TMIE: variants seen among roughly 807,000 people sequenced by gnomAD.
The protein encoded by TMIE is transmembrane inner ear expressed protein.
TMIE carries 14 observed loss-of-function variants against 16.8 expected under a neutral mutation model. The observed-to-expected ratio is 0.83, with a 90% CI of 0.55 to 1.30. The LOEUF is 1.30. TMIE is among the 50% of genes most tolerant of loss of function. TMIE has a pLI of 0.00. For missense variants in TMIE, 204 were observed against 205.9 expected, an observed-to-expected ratio of 0.99 and a Z score of 0.06; for synonymous variants, 75 against 87.2, an observed-to-expected ratio of 0.86 and a Z score of 0.78.
chr3:46,710,031 G>A lies in TMIE; in HGVS notation c.*343G>A, dbSNP rs1325640298. On this transcript the variant is annotated 3_prime_UTR_variant, in exon 4 of 4. Coordinates refer to ENST00000643606, the MANE Select transcript of TMIE (RefSeq NM_147196.3). ...TGCCAGGGATGGCAGTGGCTGTGAA[G>A]GAGTAATGGGATATGGGGTTACTTC... 2.5e-6 allele frequency: 1 copy of A among 396,852 alleles called. No homozygotes were observed. The highest frequency in any genetic ancestry group is 5.6e-5 in the East Asian group (1 of 17,758). The allele number at this position is 396,852 out of a possible 1,614,324, so 24.6% of individuals were successfully genotyped here. A position where few individuals can be genotyped will look rare whatever the true frequency, so the allele number is the denominator to read the frequency against.
At chr3:46,700,501 G>A (rs1700457077), upstream of TMIE, among the ~76,000 whole-genome samples, 1 of 152,166 alleles carries the variant, frequency 6.6e-6, no homozygotes, top group Non-Finnish European at 1.5e-5. Flanking sequence ...CACCTGGGCT[G>A]CTTCTCCTAA....
chr3:46,694,815 C>T (rs1700364335), intron 1 of TMIE, among the ~76,000 whole-genome samples: 1 of 152,158 alleles, frequency 6.6e-6, no homozygotes, highest in Non-Finnish European at 1.5e-5. Flanking sequence ...CCCAATCCTG[C>T]AGAGCCGCCC....
At chr3:46,702,645 G>A (rs1248580950) in intron 1 of TMIE, among the ~76,000 whole-genome samples, 1 of 152,136 alleles carries the variant, frequency 6.6e-6, no homozygotes, top group Non-Finnish European at 1.5e-5. Flanking sequence ...CCTGAGGGGT[G>A]GGGGCTTGGG....
chr3:46,693,916 C>T (rs1352389841), upstream of TMIE, among the ~76,000 whole-genome samples: 1 of 152,064 alleles, frequency 6.6e-6, no homozygotes, highest in East Asian at 1.9e-4. Context: ...GGACCCGGCG[C>T]GGGGAGGAAA....
intron 2 of TMIE, among the ~76,000 whole-genome samples, chr3:46,706,991 T>C (rs989522794): frequency 6.6e-6 from 1 of 152,228 alleles, no homozygotes; most frequent in Non-Finnish European, 1.5e-5. Context: ...GTGCTTCTCC[T>C]GGCACCAGAA....
rs549737860 is a variant in TMIE, at chr3:46,709,697, T to A, written c.*9T>A. The A allele has an allele frequency of 2.5e-6, 4 of 1,613,778 alleles. No individual in the cohort carries two copies. In the African/African-American group the frequency reaches 5.3e-5, roughly 22 times the overall value. ...AGAAAGGAGAGAAATGAAGACATCCTGGGCAGCTTGGGCTGGCGGGCCCTG... is the reference window on the plus strand; with the variant it reads ...AGAAAGGAGAGAAATGAAGACATCCAGGGCAGCTTGGGCTGGCGGGCCCTG... On this transcript the variant is annotated 3_prime_UTR_variant, in exon 4 of 4. Transcript: ENST00000643606.
rs2106786892 is a variant in TMIE, at chr3:46,709,183, A to G, written c.269A>G (p.Glu90Gly). 3 of 1,614,150 alleles carry G rather than the reference A, an allele frequency of 1.9e-6. No individual in the cohort carries two copies. The highest frequency in any genetic ancestry group is 4.5e-5 in the East Asian group (2 of 44,878). ...CRVPRTRKEI[E>G]ARYLQRKAAK... The stretch of plus-strand genomic sequence containing the variant: ...GTGCCACGGACCCGGAAGGAGATCG[A>G]AGCCCGGTACCTGCAGCGAAAGGCA... The change falls in exon 3 of 4, where the codon GAA becomes GGA. Residue 90 changes from glutamate to glycine, a missense_variant. By Grantham distance (98) the Glu-to-Gly change is moderately conservative (BLOSUM62 -2). Transcript: ENST00000643606.
upstream of TMIE, among the ~76,000 whole-genome samples, chr3:46,698,942 C>T (rs946790760): frequency 6.6e-6 from 1 of 151,772 alleles, no homozygotes; most frequent in Non-Finnish European, 1.5e-5. Context: ...CTCAACTTCC[C>T]AGTGTTAGGA....
In TMIE at chr3:46,709,846, G is replaced by A; in HGVS notation, c.*158G>A. ...ACATCCTCATGGCCCATCAGGGGCAGGAACCAGACAATCTCGTAGGTGTCC... is the reference window on the plus strand; with the variant it reads ...ACATCCTCATGGCCCATCAGGGGCAAGAACCAGACAATCTCGTAGGTGTCC... On this transcript the variant is annotated 3_prime_UTR_variant, in exon 4 of 4. Coordinates refer to ENST00000643606, the MANE Select transcript of TMIE (RefSeq NM_147196.3). 1 of 1,459,886 alleles carries A rather than the reference G, an allele frequency of 6.8e-7. No homozygotes were observed. The highest frequency in any genetic ancestry group is 9.3e-7 in the Non-Finnish European group (1 of 1,075,670). 90.4% of individuals were successfully genotyped at this position (1,459,886 alleles called of 1,614,324 possible).
At chr3:46,695,163 G>C (rs1373157054) in intron 1 of TMIE, among the ~76,000 whole-genome samples, 1 of 152,212 alleles carries the variant, frequency 6.6e-6, no homozygotes. Flanking sequence ...TTGGCTCCCT[G>C]AGTCTACAGC....
chr3:46,701,475 C>A lies in TMIE; in HGVS notation c.-13C>A. 1 of 1,365,808 alleles carries A rather than the reference C, an allele frequency of 7.3e-7. No individual in the cohort carries two copies. The allele number at this position is 1,365,808 out of a possible 1,614,324, so 84.6% of individuals were successfully genotyped here. On this transcript the variant is annotated 5_prime_UTR_variant, in exon 1 of 4. Transcript: ENST00000643606. The surrounding 1 kb of genome is among the most constrained non-coding windows in gnomAD (Gnocchi z 4.3). ...TCGTCCCTGGGCTCCGCAAGCGGCG[C>A]GGTGGCACGAAGATGGCGGGGTGGC...
At chr3:46,701,039 C>A (rs137993228), upstream of TMIE, among the ~76,000 whole-genome samples, 13 of 151,928 alleles carry the variant, frequency 8.6e-5, 1 homozygote, top group Non-Finnish European at 1.6e-4. The surrounding 1 kb of genome is among the most constrained non-coding windows in gnomAD (Gnocchi z 4.3). Context: ...CTGCCCCCCC[C>A]CCAAACTCAA....
intron 1 of TMIE, 74 bp from the exon 2 acceptor site, chr3:46,705,716 G>T: frequency 7.7e-7 from 1 of 1,299,718 alleles, no homozygotes; most frequent in South Asian, 1.2e-5. Flanking sequence ...TGTTTGCTGA[G>T]ACCTGGGCCC....
upstream of TMIE, chr3:46,693,815 G>A (rs951465563): frequency 6.7e-6 from 1 of 149,564 alleles, no homozygotes; most frequent in Non-Finnish European, 1.5e-5. Flanking sequence ...GCGGGCCACC[G>A]AGGAGCTGGC....
upstream of TMIE, chr3:46,701,315 G>C: frequency 2.0e-6 from 1 of 491,904 alleles, no homozygotes; most frequent in South Asian, 2.9e-5. This position sits in a 1 kb window ranked among gnomAD's most constrained non-coding sequence, Gnocchi z 4.3. Flanking sequence ...GCCCTCCACC[G>C]CAGCGATGGC....
Position 46,701,527 on chromosome 3 carries a change from G to A in TMIE, c.40G>A (p.Gly14Ser), listed in dbSNP as rs397517869. 143 of 1,313,276 alleles carry A rather than the reference G, an allele frequency of 1.1e-4. No individual in the cohort carries two copies. In the African/African-American group the frequency reaches 2.1e-3, roughly 19 times the overall value. The allele number at this position is 1,313,276 out of a possible 1,614,324, so 81.4% of individuals were successfully genotyped here. A position where few individuals can be genotyped will look rare whatever the true frequency, so the allele number is the denominator to read the frequency against. The change falls in exon 1 of 4, where the codon GGC (glycine) becomes AGC (serine). Residue 14 changes from glycine (G) to serine (S), a missense_variant. Transcript: ENST00000643606. The surrounding 1 kb of genome is among the most constrained non-coding windows in gnomAD (Gnocchi z 4.3). ...GGGCGCGGGTCCCCTCTGCGTGCTG[G>A]GCGGCGCCGCACTCGGGGTGTGCCT... ...WPGAGPLCVL[G>S]GAALGVCLAG... is the part of the protein sequence containing the mutation.
At chr3:46,704,445 G>A (rs1459330582) in intron 1 of TMIE, among the ~76,000 whole-genome samples, 1 of 143,952 alleles carries the variant, frequency 6.9e-6, no homozygotes, top group Non-Finnish European at 1.5e-5. Flanking sequence ...CCCAGGGCAG[G>A]ACCATGTCCC....
upstream of TMIE, among the ~76,000 whole-genome samples, chr3:46,697,393 G>A (rs1047159866): frequency 1.3e-5 from 2 of 152,184 alleles, no homozygotes; most frequent in South Asian, 2.1e-4. Flanking sequence ...TGCAGATGTC[G>A]TGAAGCCTCC....
upstream of TMIE, among the ~76,000 whole-genome samples, chr3:46,700,520 A>C (rs1439391820): frequency 1.3e-5 from 2 of 152,220 alleles, no homozygotes; most frequent in East Asian, 3.9e-4. Context: ...AACACTCAGC[A>C]GCAGGAGATA....
Sources: allele counts gnomAD v4.1 joint callset (sites outside exome capture counted in the v4.1 genomes callset), GRCh38; gene constraint gnomAD v4.1.1; non-coding constraint Gnocchi (gnomAD v3.1); transcripts MANE v1.5; gene names NCBI Gene and HGNC (gene_info 2026-07-23, HGNC 2026-07-21).